The following C10orf67 variants were observed in gnomAD, a reference collection of about 807,000 sequenced individuals.
C10orf67 encodes the protein uncharacterized protein C10orf67, mitochondrial.
In C10orf67, 60 loss-of-function variants were observed where a neutral mutation model predicts 35.6. The ratio of observed to expected loss-of-function variants is 1.68; its 90% CI spans 1.37 to 2.09. The LOEUF (loss-of-function observed/expected upper bound fraction) is 2.09. C10orf67 is among the 30% of genes most tolerant of loss of function. The pLI is 0.00. For synonymous variants in C10orf67, 167 were observed against 115.8 expected, an observed-to-expected ratio of 1.44 and a Z score of -2.84; for missense variants, 474 against 330.2, an observed-to-expected ratio of 1.44 and a Z score of -3.38.
At chr10:23,223,039 A>C (rs1230654761) in intron 15 of C10orf67, among the ~76,000 whole-genome samples, 5 of 152,044 alleles carry the variant, frequency 3.3e-5, no homozygotes, top group Admixed American at 3.3e-4. Flanking sequence ...AAAAGAAATG[A>C]CATTCCAACT....
At chr10:23,241,031 G>C (rs1367609641) in intron 12 of C10orf67, among the ~76,000 whole-genome samples, 1 of 152,230 alleles carries the variant, frequency 6.6e-6, no homozygotes, top group Non-Finnish European at 1.5e-5. Context: ...GAAGATATTT[G>C]ACTCAGTAGT....
intron 13 of C10orf67, among the ~76,000 whole-genome samples, chr10:23,227,260 C>A (rs536931245): frequency 6.6e-6 from 1 of 152,300 alleles, no homozygotes; most frequent in Admixed American, 6.5e-5. Context: ...GGCTTCATCC[C>A]TGGGATGCAA....
At chr10:23,235,367 C>T (rs1181883686) in intron 13 of C10orf67, among the ~76,000 whole-genome samples, 1 of 151,988 alleles carries the variant, frequency 6.6e-6, no homozygotes, top group African/African-American at 2.4e-5. Flanking sequence ...CAAGGGACAC[C>T]ATTCAGAAAA....
At chr10:23,268,410 T>C (rs1424133105) in intron 8 of C10orf67, among the ~76,000 whole-genome samples, 1 of 152,238 alleles carries the variant, frequency 6.6e-6, no homozygotes, top group Non-Finnish European at 1.5e-5. Context: ...TTATGAGTAA[T>C]GCCAGTGATT....
At chr10:23,212,971 T>G (rs1841349589) in intron 15 of C10orf67, among the ~76,000 whole-genome samples, 1 of 152,166 alleles carries the variant, frequency 6.6e-6, no homozygotes, top group South Asian at 2.1e-4. Context: ...AACTTATGCT[T>G]AGTATGTTCA....
chr10:23,278,694 C>T (rs961330259), intron 8 of C10orf67, among the ~76,000 whole-genome samples: 1 of 152,160 alleles, frequency 6.6e-6, no homozygotes, highest in Non-Finnish European at 1.5e-5. Context: ...AGCATCTGAC[C>T]TCCGACCTGA....
chr10:23,331,502 AAAGGG>A (rs1264540572), intron 2 of C10orf67, among the ~76,000 whole-genome samples: 1 of 44 alleles, frequency 0.023, no homozygotes, highest in Non-Finnish European at 0.036. Flanking sequence ...AGGGAAGGGA[AAAGGG>A]AAGGGAAGGG....
chr10:23,290,435 T>C (rs896916535), intron 6 of C10orf67, among the ~76,000 whole-genome samples: 3 of 152,266 alleles, frequency 2.0e-5, no homozygotes, highest in African/African-American at 7.2e-5. Flanking sequence ...TTGTATTGCC[T>C]GCTCATTGCT....
At chr10:23,263,788 A>C (rs575888550) in intron 10 of C10orf67, among the ~76,000 whole-genome samples, 1 of 152,368 alleles carries the variant, frequency 6.6e-6, no homozygotes, top group South Asian at 2.1e-4. Flanking sequence ...TTGATATATG[A>C]AACTTGAGTG....
Position 23,241,961 on chromosome 10 carries a change from A to G in C10orf67, c.1347-2145T>C, listed in dbSNP as rs572585016. ...AGCAACAATGAAGGCCAAAGAACTG[A>G]CATTTTTTTTTTTTAATTTACTCAT... On this transcript the variant is annotated intron_variant, in intron 12 of 15. Transcript: ENST00000636213. Among the ~76,000 whole-genome samples, 65 of 116,104 alleles carry G rather than the reference A, an allele frequency of 5.6e-4. 1 individual carries two copies. The highest frequency in any genetic ancestry group is 9.5e-4 in the Non-Finnish European group (53 of 55,638). The allele number at this position is 116,104 out of a possible 152,430, so 76.2% of individuals were successfully genotyped here. A position where few individuals can be genotyped will look rare whatever the true frequency, so the allele number is the denominator to read the frequency against.
At chr10:23,238,806 C>T (rs1842108084) in intron 13 of C10orf67, among the ~76,000 whole-genome samples, 1 of 152,132 alleles carries the variant, frequency 6.6e-6, no homozygotes, top group Non-Finnish European at 1.5e-5. Context: ...ATATTCCTAT[C>T]TATGTAGATC....
At chr10:23,249,227 G>C (rs930439021) in intron 12 of C10orf67, among the ~76,000 whole-genome samples, 4 of 150,260 alleles carry the variant, frequency 2.7e-5, no homozygotes, top group Non-Finnish European at 5.9e-5. Context: ...TCAGAGACAA[G>C]GTAAATCTTA....
At chr10:23,268,398 A>G (rs1842938271) in intron 8 of C10orf67, among the ~76,000 whole-genome samples, 1 of 152,240 alleles carries the variant, frequency 6.6e-6, no homozygotes, top group African/African-American at 2.4e-5. Context: ...CATAATATGA[A>G]TTTATGAGTA....
chr10:23,262,773 T>C (rs926400801), intron 10 of C10orf67, among the ~76,000 whole-genome samples: 1 of 152,204 alleles, frequency 6.6e-6, no homozygotes, highest in East Asian at 1.9e-4. Flanking sequence ...ATTATCAAAC[T>C]ACCCAGCATA....
chr10:23,273,419 T>G (rs1266102476), intron 8 of C10orf67, among the ~76,000 whole-genome samples: 1 of 152,220 alleles, frequency 6.6e-6, no homozygotes. Flanking sequence ...ATGCTTTTTC[T>G]TCATCCACCT....
intron 1 of C10orf67, among the ~76,000 whole-genome samples, chr10:23,335,793 A>T (rs1380252556): frequency 6.6e-6 from 1 of 152,200 alleles, no homozygotes; most frequent in Non-Finnish European, 1.5e-5. Flanking sequence ...CTCATTTCTC[A>T]TTACATACAC....
intron 5 of C10orf67, among the ~76,000 whole-genome samples, chr10:23,302,842 G>C (rs1844131852): frequency 6.6e-6 from 1 of 152,158 alleles, no homozygotes; most frequent in African/African-American, 2.4e-5. Flanking sequence ...AAACTGAGGG[G>C]AAAATCCTCT....
intron 5 of C10orf67, among the ~76,000 whole-genome samples, chr10:23,300,588 G>T (rs1223786707): frequency 1.3e-5 from 2 of 152,162 alleles, no homozygotes; most frequent in African/African-American, 4.8e-5. Context: ...TGATAGAGAG[G>T]TATGCTTCCT....
chr10:23,332,974 A>C, intron 2 of C10orf67, 88 bp downstream of exon 2: 1 of 1,327,906 alleles, frequency 7.5e-7, no homozygotes, highest in Non-Finnish European at 1.0e-6. Context: ...TAAAAATTTT[A>C]ATTATTTCAC....
Sources: gnomAD v4.1 joint callset for allele counts (sites outside exome capture counted in the v4.1 genomes callset) on GRCh38, gnomAD v4.1.1 for gene constraint, MANE v1.5 for transcripts, NCBI Gene and HGNC (gene_info 2026-07-23, HGNC 2026-07-21) for gene names.